The following RNFT2 variants were observed in gnomAD, a reference collection of about 807,000 sequenced individuals.
RNFT2 encodes the protein ring finger protein, transmembrane 2, also known as E3 ubiquitin-protein ligase RNFT2.
Under a neutral mutation model 53.0 loss-of-function variants are expected in RNFT2, and 36 were observed. The observed-to-expected ratio is 0.68, with a 90% CI of 0.52 to 0.90. The LOEUF (loss-of-function observed/expected upper bound fraction) is 0.90. Ranked by LOEUF, RNFT2 falls within the 40% of genes least tolerant of loss-of-function variation. The pLI, the probability that RNFT2 is intolerant of heterozygous loss-of-function variation, is 0.00. For missense variants in RNFT2, 514 were observed against 585.6 expected, an observed-to-expected ratio of 0.88 and a Z score of 1.26; for synonymous variants, 260 against 253.2, an observed-to-expected ratio of 1.03 and a Z score of -0.26.
intron 5 of RNFT2, among the ~76,000 whole-genome samples, chr12:116,760,689 G>T (rs1872661898): frequency 6.6e-6 from 1 of 152,130 alleles, no homozygotes; most frequent in Admixed American, 6.5e-5. Flanking sequence ...AGTTTTGGGG[G>T]GCTCTCCTGG....
intron 10 of RNFT2, among the ~76,000 whole-genome samples, chr12:116,845,770 G>A (rs987595717): frequency 3.3e-5 from 5 of 152,078 alleles, no homozygotes; most frequent in African/African-American, 9.7e-5. Context: ...GGTCTTCGCG[G>A]CTCTGTGTGG....
chr12:116,745,553 G>T (rs1325479486), intron 3 of RNFT2, among the ~76,000 whole-genome samples: 1 of 152,120 alleles, frequency 6.6e-6, no homozygotes, highest in African/African-American at 2.4e-5. Flanking sequence ...GAGCCACCAT[G>T]CCTGGCCTCA....
intron 4 of RNFT2, among the ~76,000 whole-genome samples, chr12:116,750,818 AT>A (rs1324782206): frequency 0.077 from 391 of 5,084 alleles, 12 homozygotes; most frequent in African/African-American, 0.11. Flanking sequence ...TAATATATAT[AT>A]TATATATATA....
At chr12:116,750,908 A>AT (rs386377851) in intron 4 of RNFT2, among the ~76,000 whole-genome samples, 7,840 of 69,972 alleles carry the variant, frequency 0.11, 686 homozygotes, top group South Asian at 0.27. Context: ...ATATATATAT[A>AT]TTTTTTTTTG....
chr12:116,740,768 C>A, intron 2 of RNFT2: 1 of 621,544 alleles, frequency 1.6e-6, no homozygotes, highest in Non-Finnish European at 2.9e-6. Context: ...CACAGTTTAC[C>A]GCGTTATCCT....
intron 6 of RNFT2, among the ~76,000 whole-genome samples, chr12:116,771,033 G>A (rs79491461): frequency 0.038 from 5,823 of 152,186 alleles, 179 homozygotes; most frequent in African/African-American, 0.076. Flanking sequence ...GAGTTCATCT[G>A]TGCTCCAACA....
intron 10 of RNFT2, among the ~76,000 whole-genome samples, chr12:116,840,876 G>C (rs1013817759): frequency 1.3e-5 from 2 of 152,024 alleles, no homozygotes; most frequent in African/African-American, 4.8e-5. Flanking sequence ...GACTTGGCTG[G>C]CCTGGTTTGT....
At position 116,836,001 on chromosome 12, in the gene RNFT2, C is replaced by T; in HGVS notation, c.1074C>T (p.Ala358=). Residue 358 remains alanine, a synonymous_variant, in exon 9 of 11, where the codon GCC becomes GCT. Coordinates refer to ENST00000257575, the MANE Select transcript of RNFT2 (RefSeq NM_001382266.1). ...GACGTGTGGGCGGAGTTAGGAAAGC[C>T]CTGAAGCTTCTCTGTACCTCTCAGG... ...ICGRVGGVRK[A]LKLLCTSQNY... is the part of the protein sequence containing the mutation. 1 of 1,613,986 alleles carries T rather than the reference C, an allele frequency of 6.2e-7. No homozygotes were observed. Among genetic ancestry groups the T allele is most frequent in the Non-Finnish European group, 8.5e-7 (1 of 1,179,890 alleles).
At chr12:116,821,316 G>A (rs545421558) in intron 7 of RNFT2, among the ~76,000 whole-genome samples, 22 of 151,814 alleles carry the variant, frequency 1.4e-4, no homozygotes, top group Middle Eastern at 3.4e-3. Context: ...CCTCCTGGCC[G>A]GGCGCTGCTG....
intron 5 of RNFT2, among the ~76,000 whole-genome samples, chr12:116,757,625 A>T (rs530165234): frequency 2.5e-4 from 38 of 152,050 alleles, no homozygotes; most frequent in Non-Finnish European, 4.4e-4. Flanking sequence ...ATGTGTTTGC[A>T]TGGTTTTGAA....
chr12:116,833,863 C>T lies in RNFT2; in HGVS notation c.954C>T (p.Tyr318=). Residue 318 remains tyrosine (Y), a synonymous_variant, in exon 8 of 11, where the codon TAC becomes TAT. Transcript: ENST00000257575. ...FRSLVPIQLW[Y]KYIMGDDSSN... ...CCCTTGTCCCCATCCAGCTGTGGTA[C>T]AAATACATCATGGGTGACGACTCCT... 6.2e-7 allele frequency: 1 copy of T among 1,613,512 alleles called. No individual in the cohort carries two copies. The highest frequency in any genetic ancestry group is 8.5e-7 in the Non-Finnish European group (1 of 1,179,714).
At chr12:116,797,576 A>G (rs1448523519) in intron 7 of RNFT2, among the ~76,000 whole-genome samples, 1 of 151,834 alleles carries the variant, frequency 6.6e-6, no homozygotes, top group East Asian at 1.9e-4. Context: ...GAGTGAGGTC[A>G]CTAGTGATGC....
intron 3 of RNFT2, among the ~76,000 whole-genome samples, chr12:116,745,670 T>C (rs1248783375): frequency 6.6e-6 from 1 of 152,262 alleles, no homozygotes; most frequent in Non-Finnish European, 1.5e-5. Flanking sequence ...AAATGGTTTT[T>C]CATGGATAAA....
intron 6 of RNFT2, among the ~76,000 whole-genome samples, chr12:116,771,383 C>T (rs1298481440): frequency 6.7e-6 from 1 of 148,450 alleles, no homozygotes; most frequent in Non-Finnish European, 1.5e-5. Context: ...TCACATAAGC[C>T]TGGGAGGTCA....
chr12:116,809,808 G>A (rs1875280303), intron 7 of RNFT2, among the ~76,000 whole-genome samples: 1 of 152,104 alleles, frequency 6.6e-6, no homozygotes, highest in African/African-American at 2.4e-5. Flanking sequence ...GAGTAGCTGG[G>A]ACTACAGGCA....
chr12:116,797,668 T>G (rs1359784510), intron 7 of RNFT2, among the ~76,000 whole-genome samples: 1 of 152,068 alleles, frequency 6.6e-6, no homozygotes. Flanking sequence ...GAGCCAGTGG[T>G]AGGGTAGAAG....
intron 3 of RNFT2, among the ~76,000 whole-genome samples, chr12:116,744,570 G>A (rs1315028411): frequency 6.6e-6 from 1 of 152,180 alleles, no homozygotes; most frequent in Non-Finnish European, 1.5e-5. Context: ...CCATCCCTGT[G>A]TCCCCCAGCA....
chr12:116,750,888 TATAATATATATA>T (rs1566069529), intron 4 of RNFT2, among the ~76,000 whole-genome samples: 48 of 5,568 alleles, frequency 8.6e-3, no homozygotes, highest in African/African-American at 0.03. Flanking sequence ...ATATTATATA[TATAATATATATA>T]TATATATATT....
chr12:116,849,343 G>A lies in RNFT2; in HGVS notation c.1230G>A (p.Leu410=). ...TGTTCTGTGAGGAGTGCCTCTGCCT[G>A]TGGCTGGACCGTGAGCGCACCTGCC... ...QHVFCEECLC[L]WLDRERTCPL... Residue 410 remains leucine (L), a synonymous_variant, in exon 11 of 11, where the codon CTG becomes CTA. Coordinates refer to ENST00000257575, the MANE Select transcript of RNFT2 (RefSeq NM_001382266.1). 1 of 1,543,480 alleles carries A rather than the reference G, an allele frequency of 6.5e-7. No homozygotes were observed. The highest frequency in any genetic ancestry group is 1.2e-5 in the South Asian group (1 of 84,080).
Sources: gnomAD v4.1 joint callset for allele counts (sites outside exome capture counted in the v4.1 genomes callset) on GRCh38, gnomAD v4.1.1 for gene constraint, MANE v1.5 for transcripts, NCBI Gene and HGNC (gene_info 2026-07-23, HGNC 2026-07-21) for gene names.